The following ACYP2 variants were observed in gnomAD, a reference collection of about 807,000 sequenced individuals.
ACYP2 encodes acylphosphatase 2.
A neutral mutation model predicts 11.2 loss-of-function variants in ACYP2; 12 were observed. The observed-to-expected ratio is 1.08, with a 90% CI of 0.69 to 1.74. The LOEUF is 1.74. Among genes scored for constraint, ACYP2 ranks in the 40% most tolerant of loss-of-function variants. The pLI is 0.00. For missense variants in ACYP2, 134 were observed against 101.9 expected (o/e 1.31, Z -1.35); for synonymous variants, 43 against 32.2 (o/e 1.33, Z -1.13).
At chr2:53,985,109 G>A (rs1213130072) in intron 2 of ACYP2, among the ~76,000 whole-genome samples, 1 of 122,288 alleles carries the variant, frequency 8.2e-6, no homozygotes, top group East Asian at 2.4e-4. Flanking sequence ...TCGCTCTGTT[G>A]CCCAGGCTGG....
At chr2:54,024,996 A>C (rs1674203987) in intron 2 of ACYP2, among the ~76,000 whole-genome samples, 1 of 152,140 alleles carries the variant, frequency 6.6e-6, no homozygotes, top group Non-Finnish European at 1.5e-5. Flanking sequence ...CAACAGCTGC[A>C]AAACAAAACA....
At position 53,975,410 on chromosome 2, in the gene ACYP2, C is replaced by A. The variant is rs189977756; in HGVS notation, c.62+1600C>A. 53 of 394,860 alleles carry A rather than the reference C, an allele frequency of 1.3e-4. No individual in the cohort carries two copies. In the Admixed American group the frequency reaches 1.8e-3, roughly 13 times the overall value. 24.5% of individuals were successfully genotyped at this position (394,860 alleles called of 1,614,324 possible). ...CTTCCCAGTGAGAAAGTTAGAAGACCTTTCTTTCGGGGAGCTGGTCTGCTC... is the reference window on the plus strand; with the variant it reads ...CTTCCCAGTGAGAAAGTTAGAAGACATTTCTTTCGGGGAGCTGGTCTGCTC... On this transcript the variant is annotated intron_variant, in intron 2 of 6. Coordinates refer to ENST00000607452, the MANE Select transcript of ACYP2 (RefSeq NM_001320586.2).
chr2:54,016,830 A>G (rs1051491014), intron 2 of ACYP2, among the ~76,000 whole-genome samples: 10 of 147,832 alleles, frequency 6.8e-5, no homozygotes, highest in African/African-American at 2.3e-4. Flanking sequence ...GGTTCACGCC[A>G]TTCTCCTGCC....
chr2:54,284,569 C>T (rs920943424), intron 6 of ACYP2, among the ~76,000 whole-genome samples: 5 of 152,128 alleles, frequency 3.3e-5, no homozygotes, highest in African/African-American at 1.2e-4. Flanking sequence ...TATTATTGCT[C>T]TCTTTCACAT....
intron 2 of ACYP2, among the ~76,000 whole-genome samples, chr2:54,010,637 A>C (rs1170681391): frequency 1.3e-5 from 2 of 152,062 alleles, no homozygotes; most frequent in Non-Finnish European, 2.9e-5. Flanking sequence ...AGGAAAGAGA[A>C]GAGAGTGGTG....
rs1418224438 is a variant in ACYP2, at chr2:54,294,755, T to TA, written c.405-9922dup. On this transcript the variant is annotated intron_variant, in intron 6 of 6. Coordinates refer to ENST00000607452, the MANE Select transcript of ACYP2 (RefSeq NM_001320586.2). ...GTGAGACCCCATCTCTACAAAAAAT[T>TA]AAAAAAAAAAATTAGCCAGGTGTGG... Among the ~76,000 whole-genome samples the TA allele has an allele frequency of 6.8e-3, 991 of 145,658 alleles. 7 individuals are homozygous for TA. The highest frequency in any genetic ancestry group is 0.013 in the African/African-American group (535 of 39,774).
intron 4 of ACYP2, among the ~76,000 whole-genome samples, chr2:54,133,057 A>G (rs1681008082): frequency 6.6e-6 from 1 of 152,120 alleles, no homozygotes; most frequent in Admixed American, 6.5e-5. Flanking sequence ...TGAATTTTTA[A>G]CAAATGCATA....
intron 6 of ACYP2, among the ~76,000 whole-genome samples, chr2:54,160,592 A>G (rs977838552): frequency 6.6e-6 from 1 of 152,240 alleles, no homozygotes; most frequent in African/African-American, 2.4e-5. Flanking sequence ...CATGTCAGAA[A>G]GAGAAGGTGG....
At chr2:54,061,642 G>A (rs1289267721) in intron 4 of ACYP2, among the ~76,000 whole-genome samples, 2 of 152,172 alleles carry the variant, frequency 1.3e-5, no homozygotes, top group Non-Finnish European at 2.9e-5. Context: ...TTTATGAGAA[G>A]GTTTTAGAAT....
intron 6 of ACYP2, among the ~76,000 whole-genome samples, chr2:54,168,193 G>A (rs558686469): frequency 2.0e-5 from 3 of 152,280 alleles, no homozygotes; most frequent in South Asian, 2.1e-4. Context: ...GGTAGGTTGA[G>A]GTGAGCAGAT....
chr2:54,089,944 G>A (rs1016597047), intron 4 of ACYP2, among the ~76,000 whole-genome samples: 1 of 151,752 alleles, frequency 6.6e-6, no homozygotes, highest in Non-Finnish European at 1.5e-5. Flanking sequence ...TCAGGAGTTC[G>A]AGGCCAGCCT....
At chr2:54,108,633 C>T (rs898271911) in intron 4 of ACYP2, among the ~76,000 whole-genome samples, 1 of 151,870 alleles carries the variant, frequency 6.6e-6, no homozygotes, top group Non-Finnish European at 1.5e-5. Flanking sequence ...CCCTTTTTCC[C>T]CCGAGTTGGT....
At chr2:54,049,035 C>A (rs538708929) in intron 2 of ACYP2, among the ~76,000 whole-genome samples, 1 of 152,154 alleles carries the variant, frequency 6.6e-6, no homozygotes, top group Admixed American at 6.5e-5. Flanking sequence ...AGCACTTTGG[C>A]AGGCTGAGGT....
At chr2:54,085,667 T>G (rs1572717340) in intron 4 of ACYP2, among the ~76,000 whole-genome samples, 1 of 152,164 alleles carries the variant, frequency 6.6e-6, no homozygotes, top group Non-Finnish European at 1.5e-5. Flanking sequence ...TTCCAAGAAC[T>G]TATTGACAAC....
At chr2:54,099,721 C>G (rs577923851) in intron 4 of ACYP2, among the ~76,000 whole-genome samples, 66 of 152,082 alleles carry the variant, frequency 4.3e-4, no homozygotes, top group African/African-American at 1.5e-3. Context: ...TTTTTTAGCT[C>G]CATATCTTGA....
intron 6 of ACYP2, among the ~76,000 whole-genome samples, chr2:54,219,221 G>C (rs1352134137): frequency 6.6e-6 from 1 of 152,184 alleles, no homozygotes; most frequent in Non-Finnish European, 1.5e-5. Flanking sequence ...CAGTGTAAGA[G>C]GTGGGACTTG....
intron 6 of ACYP2, among the ~76,000 whole-genome samples, chr2:54,140,424 CAT>C: frequency 6.6e-6 from 1 of 152,160 alleles, no homozygotes; most frequent in Admixed American, 6.5e-5. Flanking sequence ...ACACTGTGCT[CAT>C]GTTTTCTTTT....
chr2:54,276,900 G>T (rs567032650), intron 6 of ACYP2, among the ~76,000 whole-genome samples: 1 of 152,014 alleles, frequency 6.6e-6, no homozygotes, highest in East Asian at 1.9e-4. Context: ...GCTACATCCT[G>T]TTTTGCAACT....
chr2:54,195,702 G>A (rs570963535), intron 6 of ACYP2, among the ~76,000 whole-genome samples: 1 of 150,356 alleles, frequency 6.7e-6, no homozygotes. Context: ...TTTCTTAGGA[G>A]CTGTTATTCA....
Sources: allele counts gnomAD v4.1 joint callset (sites outside exome capture counted in the v4.1 genomes callset), GRCh38; gene constraint gnomAD v4.1.1; transcripts MANE v1.5; gene names NCBI Gene and HGNC (gene_info 2026-07-23, HGNC 2026-07-21).